The following TSBP1 variants were observed in gnomAD, a reference collection of about 807,000 sequenced individuals.
TSBP1 encodes testis-expressed basic protein 1.
In TSBP1, 56 loss-of-function variants were observed where a neutral mutation model predicts 68.8. The ratio of observed to expected loss-of-function variants is 0.81; its 90% CI spans 0.66 to 1.02. TSBP1 has a LOEUF of 1.02. TSBP1 is among the 50% of genes least tolerant of loss of function. TSBP1 has a pLI of 0.00. For missense variants in TSBP1, 502 were observed against 641.2 expected, an observed-to-expected ratio of 0.78 and a Z score of 2.34; for synonymous variants, 171 against 208.7, an observed-to-expected ratio of 0.82 and a Z score of 1.56.
intron 22 of TSBP1, among the ~76,000 whole-genome samples, chr6:32,298,150 C>T (rs1216141621): frequency 6.6e-6 from 1 of 151,976 alleles, no homozygotes; most frequent in Non-Finnish European, 1.5e-5. Context: ...TCAGAGCCCA[C>T]CTTTTTTTTT....
intron 9 of TSBP1, among the ~76,000 whole-genome samples, chr6:32,347,165 ATTTTTT>A (rs9279590): frequency 6.9e-6 from 1 of 144,362 alleles, no homozygotes. Flanking sequence ...GCCCTCTTAG[ATTTTTT>A]TTTTTTTTTT....
intron 14 of TSBP1, among the ~76,000 whole-genome samples, chr6:32,334,201 T>C (rs1367117120): frequency 1.3e-5 from 2 of 152,184 alleles, no homozygotes; most frequent in Non-Finnish European, 2.9e-5. Flanking sequence ...TTCCCTTCTT[T>C]ATTCTCTTAT....
rs183406898 is a variant in TSBP1 at position 32,363,880 on chromosome 6, T to G, written c.217+2287A>C. ...ATTTTACTAATTATTGGCCTTTCAT[T>G]TCAGCTTGAAGAACATTCTCTAGCA... is the stretch of plus-strand genomic sequence containing the variant. On this transcript the variant is annotated intron_variant, in intron 6 of 22. Transcript: ENST00000612031. Among the ~76,000 whole-genome samples, 175 of 152,278 alleles carry G rather than the reference T, an allele frequency of 1.1e-3. 6 individuals carry two copies. Among genetic ancestry groups the G allele is most frequent in the Admixed American group, 9.9e-3 (151 of 15,296 alleles).
intron 6 of TSBP1, among the ~76,000 whole-genome samples, chr6:32,364,142 G>A (rs1281625070): frequency 1.3e-5 from 2 of 152,108 alleles, no homozygotes; most frequent in East Asian, 3.8e-4. Flanking sequence ...CTTCTTTCAA[G>A]ATTCTCTCTT....
At chr6:32,330,701 C>A in intron 15 of TSBP1, 92 bp from the exon 17 acceptor site, 1 of 1,404,552 alleles carries the variant, frequency 7.1e-7, no homozygotes, top group South Asian at 1.4e-5. Context: ...CAGAGTCTCT[C>A]ACTCTGTCGC....
intron 18 of TSBP1, among the ~76,000 whole-genome samples, chr6:32,320,635 C>A (rs1401254057): frequency 6.6e-6 from 1 of 151,750 alleles, no homozygotes. Context: ...TCTTACCCAC[C>A]TTTTTTATGC....
chr6:32,309,838 T>A (rs1766198993), intron 19 of TSBP1, among the ~76,000 whole-genome samples: 1 of 152,232 alleles, frequency 6.6e-6, no homozygotes, highest in Non-Finnish European at 1.5e-5. Context: ...AAATATTAGA[T>A]CTTATCCATT....
chr6:32,350,548 G>T (rs562310652), intron 8 of TSBP1, among the ~76,000 whole-genome samples: 1 of 152,312 alleles, frequency 6.6e-6, no homozygotes, highest in African/African-American at 2.4e-5. Flanking sequence ...CCACCCATGT[G>T]ATACCTTATT....
chr6:32,319,977 T>C (rs9268231), intron 18 of TSBP1, among the ~76,000 whole-genome samples: 20,036 of 152,230 alleles, frequency 0.13, 1,510 homozygotes, highest in Non-Finnish European at 0.17. Context: ...GTTAGGTTCC[T>C]TATTTTAGTC....
At position 32,315,780 on chromosome 6, in the gene TSBP1, C is replaced by T; in HGVS notation, c.572G>A (p.Arg191Lys). The change falls in exon 19 of 23, where the codon AGA becomes AAA. Residue 191 changes from arginine (R) to lysine (K), a missense_variant. By Grantham distance (26) the Arg-to-Lys change is conservative. Transcript: ENST00000612031. This position sits in a 1 kb window ranked among gnomAD's most constrained non-coding sequence, Gnocchi z 5.4. ...AGAAATAAAGAACTTACTTGCAGTT[C>T]TCTGCGAAATTACTAAAAAATAAGC... The T allele has an allele frequency of 1.3e-6, 2 of 1,515,740 alleles. No individual in the cohort carries two copies. The highest frequency in any genetic ancestry group is 1.8e-6 in the Non-Finnish European group (2 of 1,127,798). 93.9% of individuals were successfully genotyped at this position (1,515,740 alleles called of 1,614,324 possible).
At position 32,304,191 on chromosome 6, in the gene TSBP1, AAAAGAAAG is replaced by A. The variant is rs139319191; in HGVS notation, c.581-1570_581-1563del. 2.0e-5 allele frequency among the ~76,000 whole-genome samples: 3 copies of A among 151,902 alleles called. No homozygotes were observed. The highest frequency in any genetic ancestry group is 6.6e-5 in the Admixed American group (1 of 15,246). ...AAGAAGAAAGAACGAGCGAATGAACAAAAGAAAGAAAGAAAGAAAGACCCAAACTAAAC... is the reference window on the plus strand; with the variant it reads ...AAGAAGAAAGAACGAGCGAATGAACAAAAGAAAGAAAGACCCAAACTAAAC... On this transcript the variant is annotated intron_variant, in intron 19 of 22. Coordinates refer to ENST00000612031, the Ensembl canonical transcript of TSBP1. The surrounding 1 kb of genome is among the most constrained non-coding windows in gnomAD (Gnocchi z 4.8).
exon 23 of TSBP1, chr6:32,293,382 T>C (rs1764359272): frequency 6.2e-7 from 1 of 1,612,824 alleles, no homozygotes; most frequent in Admixed American, 1.7e-5. Flanking sequence ...TCTGCCTCAG[T>C]CTTCTCTACT....
rs562092217 is a variant in TSBP1, at chr6:32,358,669, A to AT, written c.218-3001dup. On this transcript the variant is annotated intron_variant, in intron 6 of 22. Coordinates refer to ENST00000612031, the Ensembl canonical transcript of TSBP1. ...TGTGAGTGAGAACATGAGGTGTTTG[A>AT]TTTTTTGTCCTTGCGATAGTTTGCC... Among the ~76,000 whole-genome samples the AT allele has an allele frequency of 7.9e-5, 12 of 151,546 alleles. No individual in the cohort carries two copies. In the South Asian group the frequency reaches 1.9e-3, roughly 24 times the overall value.
intron 8 of TSBP1, among the ~76,000 whole-genome samples, chr6:32,353,755 A>G (rs1482042775): frequency 3.3e-5 from 5 of 152,002 alleles, no homozygotes; most frequent in Non-Finnish European, 7.4e-5. Context: ...AATATATAAG[A>G]TGAAGATGGC....
At chr6:32,308,905 G>A (rs529514970) in intron 19 of TSBP1, among the ~76,000 whole-genome samples, 13 of 149,508 alleles carry the variant, frequency 8.7e-5, no homozygotes, top group Non-Finnish European at 1.8e-4. Context: ...TCATTTTAAA[G>A]CACACTAATA....
rs1583171049 is a variant in TSBP1, at chr6:32,361,207, A to G, written c.217+4960T>C. Among the ~76,000 whole-genome samples the G allele has an allele frequency of 1.3e-5, 2 of 151,968 alleles. No homozygotes were observed. Among genetic ancestry groups the G allele is most frequent in the Non-Finnish European group, 1.5e-5 (1 of 67,998 alleles). On this transcript the variant is annotated intron_variant, in intron 6 of 22. Coordinates refer to ENST00000612031, the Ensembl canonical transcript of TSBP1. This position sits in a 1 kb window ranked among gnomAD's most constrained non-coding sequence, Gnocchi z 4.3. ...ATCCATGTCCCTACAAAGGACATGA[A>G]CTCATCATTTTTTATTGCTGCATAG...
At chr6:32,368,307 GA>G (rs1773998251) in intron 3 of TSBP1, among the ~76,000 whole-genome samples, 1 of 152,108 alleles carries the variant, frequency 6.6e-6, no homozygotes, top group South Asian at 2.1e-4. Context: ...CCTTTCCATG[GA>G]AAGTCTTCTT....
chr6:32,367,053 GT>G (rs1773825568), intron 4 of TSBP1, among the ~76,000 whole-genome samples: 1 of 30,056 alleles, frequency 3.3e-5, no homozygotes, highest in Non-Finnish European at 5.9e-5. Flanking sequence ...TGCTTGTAGC[GT>G]GTGTGTGTGT....
chr6:32,308,979 A>G (rs1241013429), intron 19 of TSBP1, among the ~76,000 whole-genome samples: 63 of 113,722 alleles, frequency 5.5e-4, no homozygotes, highest in Non-Finnish European at 1.0e-3. Flanking sequence ...TTTTTTTGAC[A>G]GGGTCTTGCT....
Sources: allele counts gnomAD v4.1 joint callset (sites outside exome capture counted in the v4.1 genomes callset), GRCh38; gene constraint gnomAD v4.1.1; non-coding constraint Gnocchi (gnomAD v3.1); transcripts MANE v1.5; gene names NCBI Gene and HGNC (gene_info 2026-07-23, HGNC 2026-07-21).